The following MPZL3 variants were observed in gnomAD, a reference collection of about 807,000 sequenced individuals.
MPZL3 encodes myelin protein zero-like protein 3.
MPZL3 carries 23 observed loss-of-function variants against 24.8 expected under a neutral mutation model. The ratio of observed to expected loss-of-function variants is 0.93; its 90% CI spans 0.67 to 1.31. The LOEUF is 1.31. Among genes scored for constraint, MPZL3 ranks in the 40% most tolerant of loss-of-function variants. The pLI is 0.00. For missense variants in MPZL3, 277 were observed against 294.9 expected (o/e 0.94, Z 0.44); for synonymous variants, 99 against 106.5 (o/e 0.93, Z 0.44).
chr11:118,239,528 G>T (rs1338734303), intron 2 of MPZL3, among the ~76,000 whole-genome samples: 1 of 152,088 alleles, frequency 6.6e-6, no homozygotes, highest in Non-Finnish European at 1.5e-5. Flanking sequence ...AGCTTAAAGA[G>T]AAAAAAATTT....
chr11:118,235,652 G>A, intron 3 of MPZL3, 63 bp from the exon 4 acceptor site: 1 of 1,520,342 alleles, frequency 6.6e-7, no homozygotes, highest in East Asian at 2.3e-5. Flanking sequence ...TGCGACATGA[G>A]CAACTAGGTT....
chr11:118,237,302 A>G (rs1949439118), intron 2 of MPZL3, 42 bp from the exon 3 acceptor site: 3 of 1,563,908 alleles, frequency 1.9e-6, no homozygotes, highest in African/African-American at 1.4e-5. Flanking sequence ...AACTTGGAAA[A>G]TGCAATGAAA....
rs996738032 is a variant in MPZL3 at position 118,252,357 on chromosome 11, A to G, written c.-63T>C. ...AGCTCCCGGTAACGACACAGGTAAC[A>G]CCGGAAGTGACGTCAGAGCAGGAGG... On this transcript the variant is annotated 5_prime_UTR_variant, in exon 1 of 6. Transcript: ENST00000278949. 7.3e-6 allele frequency: 11 copies of G among 1,513,880 alleles called. No homozygotes were observed. In the African/African-American group the frequency reaches 1.2e-4, roughly 17 times the overall value. The allele number at this position is 1,513,880 out of a possible 1,614,324, so 93.8% of individuals were successfully genotyped here.
chr11:118,237,286 A>G, intron 2 of MPZL3, 26 bp from the exon 3 acceptor site: 1 of 1,599,224 alleles, frequency 6.3e-7, no homozygotes, highest in Non-Finnish European at 8.6e-7. Flanking sequence ...CATGAGAGAA[A>G]AGGTTAACTT....
At chr11:118,238,302 T>C (rs1187680450) in intron 2 of MPZL3, among the ~76,000 whole-genome samples, 1 of 152,178 alleles carries the variant, frequency 6.6e-6, no homozygotes, top group East Asian at 1.9e-4. Flanking sequence ...GTTATCTATC[T>C]TGACAATTAA....
At chr11:118,233,064 G>T (rs1195278711) in intron 5 of MPZL3, among the ~76,000 whole-genome samples, 4 of 152,212 alleles carry the variant, frequency 2.6e-5, no homozygotes, top group African/African-American at 9.6e-5. Flanking sequence ...TTACCTAAAA[G>T]GTTATATCAA....
rs201186451 is a variant in MPZL3, at chr11:118,240,366, C to A, written c.85G>T (p.Val29Phe). Residue 29 changes from valine (V) to phenylalanine (F), a missense_variant, in exon 2 of 6, where the codon GTC becomes TTC. Coordinates refer to ENST00000278949, the MANE Select transcript of MPZL3 (RefSeq NM_198275.3). The part of the protein sequence containing the change: ...GVLFFQGVYI[V>F]FSLEIRADAH... ...TCTGCACGAATCTCCAAGGAAAAGA[C>A]GATATAAACACCTAATCAAAGCAAA... is the stretch of plus-strand genomic sequence containing the variant. The A allele has an allele frequency of 5.0e-6, 8 of 1,604,510 alleles. No individual in the cohort carries two copies. Among genetic ancestry groups the A allele is most frequent in the Non-Finnish European group, 6.8e-6 (8 of 1,176,738 alleles).
rs538406386 is a variant in MPZL3, at chr11:118,234,248, G to C, written c.618-725C>G. Among the ~76,000 whole-genome samples the C allele has an allele frequency of 1.7e-3, 266 of 152,300 alleles. 1 individual carries two copies. The highest frequency in any genetic ancestry group is 6.1e-3 in the African/African-American group (253 of 41,554). Reference sequence around the variant, plus strand: ...GGCTCATGATGGGGGTGAGAGACCTGTTAAAACTTAACAAATATGTTATAA... The same window carrying C: ...GGCTCATGATGGGGGTGAGAGACCTCTTAAAACTTAACAAATATGTTATAA... On this transcript the variant is annotated intron_variant, in intron 4 of 5. Coordinates refer to ENST00000278949, the MANE Select transcript of MPZL3 (RefSeq NM_198275.3).
Position 118,252,240 on chromosome 11 carries a change from C to T in MPZL3, c.55G>A (p.Gly19Ser), listed in dbSNP as rs767226015. The change falls in exon 1 of 6, where the codon GGC (glycine) becomes AGC (serine). Residue 19 changes from glycine (G) to serine (S), a missense_variant. By Grantham distance (56) the Gly-to-Ser change is moderately conservative. Transcript: ENST00000278949. ...SRGCALFPLLGVLFFQGVYIV... is the reference protein window; with the variant it reads ...SRGCALFPLLSVLFFQGVYIV... ...CACTCACCCTGGAAGAACAGGACGC[C>T]CAGCAGAGGGAAGAGAGCGCAGCCA... is the stretch of plus-strand genomic sequence containing the variant. 3.7e-6 allele frequency: 6 copies of T among 1,613,758 alleles called. No individual in the cohort carries two copies. The highest frequency in any genetic ancestry group is 1.7e-5 in the Admixed American group (1 of 59,992).
At chr11:118,245,781 T>C (rs11605435) in intron 1 of MPZL3, among the ~76,000 whole-genome samples, 32,005 of 152,194 alleles carry the variant, frequency 0.21, 3,456 homozygotes, top group Middle Eastern at 0.28. Context: ...TGACATCCAG[T>C]GGTCTTTTGG....
chr11:118,246,560 C>A (rs1949558138), intron 1 of MPZL3, among the ~76,000 whole-genome samples: 1 of 149,018 alleles, frequency 6.7e-6, no homozygotes, highest in Admixed American at 6.7e-5. Flanking sequence ...GTGTATGGGC[C>A]ACTTTTCTTT....
rs200780898 is a variant in MPZL3, at chr11:118,252,276, C to A, written c.19G>T (p.Ala7Ser). 66 of 1,613,890 alleles carry A rather than the reference C, an allele frequency of 4.1e-5. No homozygotes were observed. The highest frequency in any genetic ancestry group is 5.4e-5 in the Non-Finnish European group (64 of 1,179,974). Residue 7 changes from alanine (A) to serine (S), a missense_variant, in exon 1 of 6, where the codon GCT (alanine) becomes TCT (serine). Transcript: ENST00000278949. MQQRGA[A>S]GSRGCALFPL... ...AAGAGAGCGCAGCCACGGCTTCCAG[C>A]TGCTCCTCTCTGCTGCATCCCGGCA...
At chr11:118,247,378 A>G (rs755645748) in intron 1 of MPZL3, among the ~76,000 whole-genome samples, 17 of 152,196 alleles carry the variant, frequency 1.1e-4, no homozygotes, top group Non-Finnish European at 2.4e-4. Context: ...TACAAAAAAT[A>G]AAAGGTCCAC....
chr11:118,241,441 G>A (rs772231452), intron 1 of MPZL3, among the ~76,000 whole-genome samples: 13 of 152,238 alleles, frequency 8.5e-5, no homozygotes, highest in Non-Finnish European at 1.0e-4. Flanking sequence ...TTCAAATCCC[G>A]GCCCTGTCAC....
chr11:118,239,018 A>G (rs1949459846), intron 2 of MPZL3, among the ~76,000 whole-genome samples: 1 of 152,210 alleles, frequency 6.6e-6, no homozygotes, highest in Admixed American at 6.5e-5. Flanking sequence ...CACAATCCTG[A>G]TTGACTAACC....
intron 1 of MPZL3, among the ~76,000 whole-genome samples, chr11:118,246,645 C>T (rs1351968265): frequency 1.4e-5 from 2 of 139,290 alleles, no homozygotes; most frequent in African/African-American, 2.8e-5. Context: ...AGTGCAGTGG[C>T]GCGATCTCAG....
chr11:118,244,636 A>G (rs944547685), intron 1 of MPZL3, among the ~76,000 whole-genome samples: 1 of 152,230 alleles, frequency 6.6e-6, no homozygotes, highest in African/African-American at 2.4e-5. Flanking sequence ...AGAAAATAGA[A>G]TGAGATGTGG....
chr11:118,250,440 G>T (rs563825867), intron 1 of MPZL3, among the ~76,000 whole-genome samples: 145 of 152,126 alleles, frequency 9.5e-4, no homozygotes, highest in African/African-American at 3.4e-3. Context: ...TCTTTGGGGT[G>T]ATGAAAATGT....
chr11:118,246,920 A>G (rs1186142337), intron 1 of MPZL3, among the ~76,000 whole-genome samples: 1 of 152,086 alleles, frequency 6.6e-6, no homozygotes, highest in Non-Finnish European at 1.5e-5. Context: ...TCCCAAGGTT[A>G]AGGAAGCTGA....
Sources: allele counts gnomAD v4.1 joint callset (sites outside exome capture counted in the v4.1 genomes callset), GRCh38; gene constraint gnomAD v4.1.1; transcripts MANE v1.5; gene names NCBI Gene and HGNC (gene_info 2026-07-23, HGNC 2026-07-21).